KIF27: variants seen among roughly 807,000 people sequenced by gnomAD.
KIF27 encodes the protein kinesin family member 27.
In KIF27, 84 loss-of-function variants were observed where a neutral mutation model predicts 141.8. The observed-to-expected ratio is 0.59, with a 90% CI of 0.50 to 0.71. The LOEUF (loss-of-function observed/expected upper bound fraction) is 0.71, where lower values mean the gene tolerates loss of function less well. Ranked by LOEUF, KIF27 falls within the 30% of genes least tolerant of loss-of-function variation. KIF27 has a pLI of 0.00. For missense variants in KIF27, 1,306 were observed against 1,628.4 expected, an observed-to-expected ratio of 0.80 and a Z score of 3.41; for synonymous variants, 471 against 569.5, an observed-to-expected ratio of 0.83 and a Z score of 2.46.
chr9:83,915,081 C>G (rs1313729199), intron 2 of KIF27, among the ~76,000 whole-genome samples: 1 of 152,126 alleles, frequency 6.6e-6, no homozygotes, highest in East Asian at 1.9e-4. Context: ...TTTCCTCAAG[C>G]AAATATAATC....
chr9:83,853,599 A>G, intron 15 of KIF27, 30 bp downstream of exon 15: 2 of 1,494,908 alleles, frequency 1.3e-6, no homozygotes, highest in Non-Finnish European at 1.9e-6. Flanking sequence ...CATCTTTATA[A>G]GAAAAATATT....
intron 11 of KIF27, among the ~76,000 whole-genome samples, chr9:83,875,330 C>CTGATATATCATGTATACA (rs1290550569): frequency 6.6e-6 from 1 of 152,180 alleles, no homozygotes; most frequent in Non-Finnish European, 1.5e-5. Context: ...GCACACCCAA[C>CTGATATATCATGTATACA]TGATATATCA....
chr9:83,847,258 A>C (rs1422580318), intron 16 of KIF27, among the ~76,000 whole-genome samples: 2 of 152,236 alleles, frequency 1.3e-5, no homozygotes, highest in Non-Finnish European at 2.9e-5. Flanking sequence ...TGTAACTGTC[A>C]TAGTTCCTCC....
At chr9:83,859,518 G>T in intron 13 of KIF27, 147 bp from the exon 14 acceptor site, 1 of 613,628 alleles carries the variant, frequency 1.6e-6, no homozygotes, top group South Asian at 2.1e-5. Flanking sequence ...TTTTTTGAGG[G>T]AGGGGGTATT....
chr9:83,847,745 A>C (rs1040104668), intron 16 of KIF27: 4 of 152,040 alleles, frequency 2.6e-5, no homozygotes, highest in Non-Finnish European at 5.9e-5. Context: ...GCAGAAAAAC[A>C]TAAGAAGGTG....
intron 3 of KIF27, among the ~76,000 whole-genome samples, chr9:83,908,120 G>A (rs916260162): frequency 2.6e-5 from 4 of 152,028 alleles, no homozygotes; most frequent in African/African-American, 9.7e-5. Flanking sequence ...AAATTAGCCA[G>A]GCATGGTGGT....
chr9:83,837,922 G>A (rs1946081090), intron 17 of KIF27: 1 of 160,376 alleles, frequency 6.2e-6, no homozygotes, highest in South Asian at 1.9e-4. Flanking sequence ...TATATGTGTG[G>A]GAATCTGGCC....
intron 3 of KIF27, among the ~76,000 whole-genome samples, chr9:83,904,987 T>G (rs1476902374): frequency 6.6e-6 from 1 of 151,312 alleles, no homozygotes; most frequent in Non-Finnish European, 1.5e-5. Context: ...AGATGGCAAT[T>G]AAAAGAAAAC....
intron 16 of KIF27, among the ~76,000 whole-genome samples, chr9:83,846,718 A>C (rs1947326117): frequency 6.6e-6 from 1 of 152,186 alleles, no homozygotes; most frequent in Non-Finnish European, 1.5e-5. Flanking sequence ...TCCATTAGCA[A>C]CATTTTTGCT....
At chr9:83,884,533 T>C (rs1487803397) in intron 9 of KIF27, among the ~76,000 whole-genome samples, 1 of 152,216 alleles carries the variant, frequency 6.6e-6, no homozygotes, top group African/African-American at 2.4e-5. Flanking sequence ...ATGCCTATTG[T>C]TTTACTTTGC....
intron 13 of KIF27, chr9:83,859,587 A>C (rs1449225218): frequency 3.9e-6 from 2 of 508,392 alleles, no homozygotes; most frequent in Non-Finnish European, 7.0e-6. Flanking sequence ...GCTAGAGTGC[A>C]ATGGTGCAAC....
rs1335873759 is a variant in KIF27 at position 83,915,780 on chromosome 9, C to T, written c.-87-102G>A. The T allele has an allele frequency of 1.0e-4, 59 of 564,550 alleles. 1 individual carries two copies. The South Asian group carries it at 1.4e-3, about 13-fold the overall frequency. The allele number at this position is 564,550 out of a possible 1,614,324, so 35.0% of individuals were successfully genotyped here. A position where few individuals can be genotyped will look rare whatever the true frequency, so the allele number is the denominator to read the frequency against. On this transcript the variant is annotated intron_variant, in intron 1 of 17. Coordinates refer to ENST00000297814, the MANE Select transcript of KIF27 (RefSeq NM_017576.4). ...AAGTCAATTAGAACAGGTTTTGTTC[C>T]AATACAACACAGTTACAAAGAGTAA...
At chr9:83,886,878 G>A (rs1195967083) in intron 9 of KIF27, among the ~76,000 whole-genome samples, 163 bp downstream of exon 9, 1 of 152,134 alleles carries the variant, frequency 6.6e-6, no homozygotes, top group African/African-American at 2.4e-5. Context: ...AAATTCTTCT[G>A]ATAACTAACC....
At chr9:83,888,727 C>T in intron 7 of KIF27, 135 bp from the exon 8 acceptor site, 1 of 470,918 alleles carries the variant, frequency 2.1e-6, no homozygotes, top group Non-Finnish European at 3.6e-6. Context: ...ACTAATATTG[C>T]TCAAAATAAA....
rs1376251326 is a variant in KIF27, at chr9:83,903,856, T to C, written c.662A>G (p.Asn221Ser). ...FTISICQVHK[N>S]MEAAEDGSWY... ...TGATCCATCTTCAGCTGCCTCCATATTTTTATGAACTTGACAAATGCTGAT... is the reference window on the plus strand; with the variant it reads ...TGATCCATCTTCAGCTGCCTCCATACTTTTATGAACTTGACAAATGCTGAT... The change falls in exon 4 of 18, where the codon AAT (asparagine) becomes AGT (serine). Residue 221 changes from asparagine (N) to serine (S), a missense_variant. Asn to Ser is a conservative substitution (Grantham distance 46). Around this residue, in one of 4 missense-constraint regions of KIF27, gnomAD observed 533 missense variants for 565.6 expected, o/e 0.94. Transcript: ENST00000297814. 6.2e-7 allele frequency: 1 copy of C among 1,614,072 alleles called. No homozygotes were observed.
rs3199677 is a variant in KIF27 at position 83,867,803 on chromosome 9, G to A, written c.2815C>T (p.Arg939Cys). Residue 939 changes from arginine to cysteine, a missense_variant, in exon 13 of 18, where the codon CGC (arginine) becomes TGC (cysteine). Arg to Cys is a radical substitution (Grantham distance 180, BLOSUM62 -3). Around this residue, in one of 4 missense-constraint regions of KIF27, gnomAD observed 596 missense variants for 751.6 expected, o/e 0.79. Coordinates refer to ENST00000297814, the MANE Select transcript of KIF27 (RefSeq NM_017576.4). ...DEEVEKVLNQ[R>C]QELEELEADL... Reference sequence around the variant, plus strand: ...GCTTCCAGCTCCTCTAATTCTTGGCGTTGGTTCAGAACTTTCTCTACTTCT... The same window carrying A: ...GCTTCCAGCTCCTCTAATTCTTGGCATTGGTTCAGAACTTTCTCTACTTCT... 5.3e-5 allele frequency: 85 copies of A among 1,612,406 alleles called. No individual in the cohort carries two copies. The Admixed American group carries it at 5.3e-4, about 10-fold the overall frequency.
chr9:83,842,569 C>G (rs1354224967), intron 16 of KIF27, among the ~76,000 whole-genome samples, 168 bp from the exon 17 acceptor site: 2 of 152,084 alleles, frequency 1.3e-5, no homozygotes, highest in African/African-American at 4.8e-5. Flanking sequence ...AGGTTCACAC[C>G]ATTCTCCTGC....
chr9:83,890,452 T>C (rs961863792), intron 6 of KIF27, among the ~76,000 whole-genome samples: 7 of 152,218 alleles, frequency 4.6e-5, no homozygotes, highest in African/African-American at 9.6e-5. Context: ...TTGTGAGAGT[T>C]TGGGAATTAT....
In KIF27 at chr9:83,836,248, G is replaced by A. The variant is rs1170323879; in HGVS notation, c.*753C>T. Among the ~76,000 whole-genome samples the A allele has an allele frequency of 6.6e-6, 1 of 151,912 alleles. No individual in the cohort carries two copies. The highest frequency in any genetic ancestry group is 1.5e-5 in the Non-Finnish European group (1 of 67,934). ...GTTCTTTCTCTTGAAATGTTAGAAT[G>A]CTTTAGTTTTATTCTATAATTTCCG... is the stretch of plus-strand genomic sequence containing the variant. On this transcript the variant is annotated 3_prime_UTR_variant, in exon 18 of 18. Coordinates refer to ENST00000297814, the MANE Select transcript of KIF27 (RefSeq NM_017576.4).
Sources: gnomAD v4.1 joint callset for allele counts (sites outside exome capture counted in the v4.1 genomes callset) on GRCh38, gnomAD v4.1.1 for gene constraint, gnomAD v4.1.1 regional missense constraint, MANE v1.5 for transcripts, NCBI Gene and HGNC (gene_info 2026-07-23, HGNC 2026-07-21) for gene names.